Variants in MTMR3 observed in about 807,000 individuals in gnomAD.
MTMR3 encodes the protein myotubularin related protein 3, also known as phosphatidylinositol-3,5-bisphosphate 3-phosphatase MTMR3.
Under a neutral mutation model 132.4 loss-of-function variants are expected in MTMR3, and 32 were observed. That is an observed-to-expected ratio of 0.24 (90% CI 0.18 to 0.32). The LOEUF is 0.32. Ranked by LOEUF, MTMR3 falls within the 10% of genes least tolerant of loss-of-function variation. The pLI is 1.00. For synonymous variants in MTMR3, 556 were observed against 550.3 expected, an observed-to-expected ratio of 1.01 and a Z score of -0.14; for missense variants, 1,216 against 1,489.6, an observed-to-expected ratio of 0.82 and a Z score of 3.02.
chr22:29,955,461 T>C (rs2066169921), intron 1 of MTMR3, among the ~76,000 whole-genome samples: 2 of 152,216 alleles, frequency 1.3e-5, no homozygotes, highest in South Asian at 4.1e-4. Context: ...TACTATGTTG[T>C]ATTTAATACT....
rs1040398831 is a variant in MTMR3, at chr22:30,023,279, A to G, written c.3425+582A>G. On this transcript the variant is annotated intron_variant, in intron 19 of 19. Coordinates refer to ENST00000401950, the MANE Select transcript of MTMR3 (RefSeq NM_021090.4). ...TCTGGTGGATGTTCAGTGTTCTTAG[A>G]AGAGGAAGTTTATCTGAATCATGCC... 4.7e-5 allele frequency: 31 copies of G among 654,276 alleles called. No homozygotes were observed. In the Admixed American group the frequency reaches 7.5e-4, roughly 16 times the overall value. The allele number at this position is 654,276 out of a possible 1,614,324, so 40.5% of individuals were successfully genotyped here. A position where few individuals can be genotyped will look rare whatever the true frequency, so the allele number is the denominator to read the frequency against.
chr22:29,915,453 G>T (rs2065290524), intron 1 of MTMR3, among the ~76,000 whole-genome samples: 1 of 151,968 alleles, frequency 6.6e-6, no homozygotes, highest in Non-Finnish European at 1.5e-5. Flanking sequence ...ATGGAGTCTC[G>T]CTCTGCCACC....
chr22:29,970,506 T>TC (rs1364839215), intron 2 of MTMR3, among the ~76,000 whole-genome samples: 1 of 140,896 alleles, frequency 7.1e-6, no homozygotes, highest in African/African-American at 2.7e-5. Flanking sequence ...GCTTTTTTTT[T>TC]TTTTTTTTTT....
chr22:29,965,195 A>G (rs2066390909), intron 2 of MTMR3, among the ~76,000 whole-genome samples: 1 of 151,902 alleles, frequency 6.6e-6, no homozygotes, highest in African/African-American at 2.4e-5. Flanking sequence ...TATAAGTTGT[A>G]TTAATGCAGA....
chr22:29,957,392 A>G (rs192799134), intron 2 of MTMR3, among the ~76,000 whole-genome samples: 1 of 151,638 alleles, frequency 6.6e-6, no homozygotes, highest in African/African-American at 2.4e-5. Flanking sequence ...GTCTAAAATA[A>G]ATAGATTTAT....
In MTMR3 at chr22:30,030,043, A is replaced by C. The variant is rs1240123202; in HGVS notation, c.*4242A>C. 2 of 147,996 alleles carry C rather than the reference A, an allele frequency of 1.4e-5. No homozygotes were observed. Among genetic ancestry groups the C allele is most frequent in the South Asian group, 4.3e-4 (2 of 4,606 alleles). The allele number at this position is 147,996 out of a possible 1,614,324, so 9.2% of individuals were successfully genotyped here. ...CTCGGCTGGTGTAGAGCTCATCTGC[A>C]TGTTGTGTGCAGATACCAGTAGCCT... On this transcript the variant is annotated 3_prime_UTR_variant, in exon 20 of 20. Coordinates refer to ENST00000401950, the MANE Select transcript of MTMR3 (RefSeq NM_021090.4).
rs182230419 is a variant in MTMR3, at chr22:29,944,027, T to C, written c.-137-13009T>C. ...AGAGATGGGATTTTGCCATGTTGCC[T>C]AGGCTGTTCTCGAACTTGTGAGCTC... On this transcript the variant is annotated intron_variant, in intron 1 of 19. Transcript: ENST00000401950. Among the ~76,000 whole-genome samples, 678 of 151,742 alleles carry C rather than the reference T, an allele frequency of 4.5e-3. 6 individuals carry two copies. Among genetic ancestry groups the C allele is most frequent in the African/African-American group, 0.015 (640 of 41,404 alleles).
chr22:29,967,612 G>A (rs148350161), intron 2 of MTMR3, among the ~76,000 whole-genome samples: 47 of 151,406 alleles, frequency 3.1e-4, no homozygotes, highest in Admixed American at 1.9e-3. Context: ...GTGGTTTTTA[G>A]TATAGTCATA....
At chr22:29,969,435 G>T (rs2066490375) in intron 2 of MTMR3, among the ~76,000 whole-genome samples, 1 of 152,040 alleles carries the variant, frequency 6.6e-6, no homozygotes, top group Non-Finnish European at 1.5e-5. Context: ...CTCTTGCTGG[G>T]GTTAATGACG....
chr22:29,978,460 A>G lies in MTMR3; in HGVS notation c.22A>G (p.Ser8Gly), dbSNP rs762085253. 6.8e-6 allele frequency: 11 copies of G among 1,612,722 alleles called. No homozygotes were observed. Among genetic ancestry groups the G allele is most frequent in the Non-Finnish European group, 9.3e-6 (11 of 1,179,094 alleles). MDEETRH[S>G]LECIQANQIF... The stretch of plus-strand genomic sequence containing the variant: ...TTTCCAGGATGAAGAGACTCGGCAC[A>G]GCCTTGAGTGCATCCAGGCCAATCA... Residue 8 changes from serine (S) to glycine (G), a missense_variant, in exon 4 of 20, where the codon AGC becomes GGC. This residue lies in a region of MTMR3 where 81 missense variants were observed against 87.7 expected (regional missense o/e 0.92). Transcript: ENST00000401950.
At chr22:29,978,302 A>G (rs1270446307) in intron 3 of MTMR3, 140 bp from the exon 4 acceptor site, 5 of 569,132 alleles carry the variant, frequency 8.8e-6, no homozygotes, top group East Asian at 3.0e-5. Flanking sequence ...TTTAAGATCA[A>G]TATTGTTTCC....
intron 1 of MTMR3, among the ~76,000 whole-genome samples, chr22:29,954,939 G>A (rs1444055570): frequency 6.6e-6 from 1 of 152,084 alleles, no homozygotes; most frequent in Admixed American, 6.6e-5. Flanking sequence ...AAATTTTTCA[G>A]TTATTTTTAA....
At chr22:30,004,153 G>A (rs2067229394) in intron 9 of MTMR3, 1 of 152,200 alleles carries the variant, frequency 6.6e-6, no homozygotes, top group African/African-American at 2.4e-5. Context: ...CATCACTGTT[G>A]TTTTCAGACA....
chr22:29,971,856 T>TA (rs762551323), intron 3 of MTMR3, among the ~76,000 whole-genome samples: 29 of 152,218 alleles, frequency 1.9e-4, no homozygotes, highest in Non-Finnish European at 4.0e-4. Flanking sequence ...TGGTCCTCTG[T>TA]AATATTGTCC....
Position 30,009,116 on chromosome 22 carries a change from C to A in MTMR3, c.1108C>A (p.Pro370Thr). 1 of 1,607,546 alleles carries A rather than the reference C, an allele frequency of 6.2e-7. No homozygotes were observed. The highest frequency in any genetic ancestry group is 8.5e-7 in the Non-Finnish European group (1 of 1,174,052). The change falls in exon 12 of 20, where the codon CCA (proline) becomes ACA (threonine). Residue 370 changes from proline to threonine, a missense_variant. This residue lies in a region of MTMR3 where 106 missense variants were observed against 209.5 expected (regional missense o/e 0.51). Coordinates refer to ENST00000401950, the MANE Select transcript of MTMR3 (RefSeq NM_021090.4). Reference protein sequence around the residue: ...QSLRLLCTQMPDPGNWLSALE... With the variant: ...QSLRLLCTQMTDPGNWLSALE... ...TCTGCGGTTGCTGTGCACTCAGATG[C>A]CAGATCCGGGAAAGTAAGTCCTTGG...
chr22:29,943,492 G>A (rs1202694795), intron 1 of MTMR3, among the ~76,000 whole-genome samples: 4 of 152,124 alleles, frequency 2.6e-5, no homozygotes, highest in African/African-American at 9.6e-5. Context: ...GCCTGGCCTT[G>A]ATGTGTGTAT....
rs571332332 is a variant in MTMR3 at position 29,895,069 on chromosome 22, G to A, written c.-138+11710G>A. 1.4e-4 allele frequency among the ~76,000 whole-genome samples: 22 copies of A among 152,198 alleles called. No homozygotes were observed. In the South Asian group the frequency reaches 4.1e-3, roughly 29 times the overall value. On this transcript the variant is annotated intron_variant, in intron 1 of 19. Transcript: ENST00000401950. ...CTAAAAATACAAAAATTAACGGGGC[G>A]CGGTGGTGGGCATCTGTAATCCCAG...
At chr22:29,941,367 A>G (rs1056996004) in intron 1 of MTMR3, among the ~76,000 whole-genome samples, 2 of 152,074 alleles carry the variant, frequency 1.3e-5, no homozygotes, top group African/African-American at 4.8e-5. Context: ...TGCTGTGAAC[A>G]TTTGTGTCCA....
intron 1 of MTMR3, among the ~76,000 whole-genome samples, chr22:29,941,728 TTAAAA>T (rs2065860735): frequency 6.6e-6 from 1 of 152,228 alleles, no homozygotes; most frequent in African/African-American, 2.4e-5. Flanking sequence ...GTAGAGATTT[TTAAAA>T]TAAAATTTTA....
Sources: allele counts gnomAD v4.1 joint callset (sites outside exome capture counted in the v4.1 genomes callset), GRCh38; gene constraint gnomAD v4.1.1; regional missense constraint gnomAD v4.1.1; transcripts MANE v1.5; gene names NCBI Gene and HGNC (gene_info 2026-07-23, HGNC 2026-07-21).